MCUB: variants seen among roughly 807,000 people sequenced by gnomAD.
The protein encoded by MCUB is mitochondrial calcium uniporter dominant negative subunit beta.
A neutral mutation model predicts 41.4 loss-of-function variants in MCUB; 46 were observed. That is an observed-to-expected ratio of 1.11 (90% CI 0.88 to 1.42). The LOEUF (loss-of-function observed/expected upper bound fraction) is 1.42. Ranked by LOEUF, MCUB falls within the 40% of genes most tolerant of loss-of-function variation. MCUB has a pLI of 0.00. For synonymous variants in MCUB, 148 were observed against 148.2 expected (o/e 1.00, Z 0.01); for missense variants, 403 against 404.9 (o/e 1.00, Z 0.04).
At chr4:109,652,615 A>C (rs1728985567) in intron 1 of MCUB, among the ~76,000 whole-genome samples, 1 of 152,172 alleles carries the variant, frequency 6.6e-6, no homozygotes, top group Admixed American at 6.5e-5. Context: ...TCAAACCCGC[A>C]GCCTCAGGCC....
At chr4:109,598,148 C>T (rs1378718636) in intron 1 of MCUB, among the ~76,000 whole-genome samples, 5 of 139,610 alleles carry the variant, frequency 3.6e-5, no homozygotes, top group Middle Eastern at 4.4e-3. Flanking sequence ...ACATCCCAGA[C>T]GATGGGCAGC....
chr4:109,656,354 C>CTTTTTT lies in MCUB; in HGVS notation c.100-2624_100-2619dup, dbSNP rs752851425. Reference sequence around the variant, plus strand: ...GAGGGGCTCTAACTTTTACTCTCTACTTTTTTTTTTTTTTTTTTTTTTTTT... The same window carrying CTTTTTT: ...GAGGGGCTCTAACTTTTACTCTCTACTTTTTTTTTTTTTTTTTTTTTTTTTTTTTTT... On this transcript the variant is annotated intron_variant, in intron 1 of 7. Coordinates refer to ENST00000394650, the MANE Select transcript of MCUB (RefSeq NM_017918.5). 5.8e-4 allele frequency among the ~76,000 whole-genome samples: 36 copies of CTTTTTT among 62,116 alleles called. 6 individuals are homozygous for CTTTTTT. The highest frequency in any genetic ancestry group is 0.015 in the Middle Eastern group (1 of 66). The allele number at this position is 62,116 out of a possible 152,430, so 40.8% of individuals were successfully genotyped here.
intron 1 of MCUB, among the ~76,000 whole-genome samples, chr4:109,619,935 A>G (rs1204330592): frequency 6.6e-6 from 1 of 152,088 alleles, no homozygotes; most frequent in Non-Finnish European, 1.5e-5. Context: ...AGGTTTAGAG[A>G]AGTTAAGGTA....
chr4:109,580,414 C>G (rs180968518), intron 1 of MCUB, among the ~76,000 whole-genome samples: 1 of 152,288 alleles, frequency 6.6e-6, no homozygotes, highest in Non-Finnish European at 1.5e-5. Flanking sequence ...ATGGCTGGGT[C>G]AAATGGTATT....
At chr4:109,682,324 CTT>C (rs11411542) in intron 4 of MCUB, among the ~76,000 whole-genome samples, 7 of 147,298 alleles carry the variant, frequency 4.8e-5, no homozygotes, top group African/African-American at 1.5e-4. Context: ...TTTTTGGTGA[CTT>C]TTTTTTTTTT....
intron 1 of MCUB, among the ~76,000 whole-genome samples, chr4:109,601,702 G>A (rs1372342981): frequency 6.6e-6 from 1 of 152,190 alleles, no homozygotes; most frequent in African/African-American, 2.4e-5. Context: ...AAACATGGGA[G>A]TGCAGATATC....
chr4:109,669,115 C>G (rs186554462), intron 4 of MCUB, among the ~76,000 whole-genome samples: 298 of 152,220 alleles, frequency 2.0e-3, no homozygotes, highest in African/African-American at 7.0e-3. Flanking sequence ...ACTATTCCTT[C>G]TCTGATTCTC....
chr4:109,581,625 C>G (rs2126126741), intron 1 of MCUB, among the ~76,000 whole-genome samples: 1 of 152,208 alleles, frequency 6.6e-6, no homozygotes, highest in South Asian at 2.1e-4. Context: ...ATTTTCGCAA[C>G]CTACTTATCT....
At chr4:109,686,681 C>G (rs1165236448) in intron 7 of MCUB, among the ~76,000 whole-genome samples, 1 of 152,070 alleles carries the variant, frequency 6.6e-6, no homozygotes. Context: ...GGAGACCAGT[C>G]TAGTCAACAT....
At chr4:109,597,762 G>T (rs1197316959) in intron 1 of MCUB, among the ~76,000 whole-genome samples, 1 of 150,900 alleles carries the variant, frequency 6.6e-6, no homozygotes, top group Non-Finnish European at 1.5e-5. Flanking sequence ...CCCGGACGGG[G>T]TGGCTGCCGG....
At position 109,560,536 on chromosome 4, in the gene MCUB, A is replaced by T. The variant is rs1294555294; in HGVS notation, c.99+100A>T. 4 of 564,010 alleles carry T rather than the reference A, an allele frequency of 7.1e-6. No individual in the cohort carries two copies. In the East Asian group the frequency reaches 1.4e-4, roughly 20 times the overall value. 34.9% of individuals were successfully genotyped at this position (564,010 alleles called of 1,614,324 possible). On this transcript the variant is annotated intron_variant, in intron 1 of 7. Transcript: ENST00000394650. ...GCAAAAGCCGAGCGGCCGAGCAGTC[A>T]ACTGCGTTTTGCTGGCTGCCGGGCT...
chr4:109,616,154 T>A (rs964243664), intron 1 of MCUB, among the ~76,000 whole-genome samples: 1 of 152,244 alleles, frequency 6.6e-6, no homozygotes, highest in Admixed American at 6.5e-5. Context: ...AGTGAATAAA[T>A]GAATATTTTG....
At chr4:109,630,094 G>A (rs1206481933) in intron 1 of MCUB, among the ~76,000 whole-genome samples, 3 of 152,138 alleles carry the variant, frequency 2.0e-5, no homozygotes, top group Admixed American at 6.5e-5. Flanking sequence ...GCCAGGAAAC[G>A]GGGAAGTAGA....
At chr4:109,679,374 G>A (rs1227469632) in intron 4 of MCUB, among the ~76,000 whole-genome samples, 1 of 152,214 alleles carries the variant, frequency 6.6e-6, no homozygotes, top group Non-Finnish European at 1.5e-5. Context: ...CACTGAGTGA[G>A]CGAGACTCCG....
chr4:109,684,331 A>G (rs772240943), intron 5 of MCUB, 112 bp from the exon 6 acceptor site: 25 of 732,116 alleles, frequency 3.4e-5, no homozygotes, highest in Non-Finnish European at 5.0e-5. Flanking sequence ...CAGAGTGCTG[A>G]GATTACAGGC....
intron 1 of MCUB, among the ~76,000 whole-genome samples, chr4:109,614,705 C>T (rs1170136736): frequency 2.0e-5 from 3 of 150,914 alleles, no homozygotes; most frequent in African/African-American, 7.3e-5. Flanking sequence ...TTTTGCATTT[C>T]CCCACTTTTC....
rs550971675 is a variant in MCUB at position 109,579,025 on chromosome 4, CT to C, written c.99+18591del. On this transcript the variant is annotated intron_variant, in intron 1 of 7. Transcript: ENST00000394650. ...GTCCCGCCTCCAATATTCCTTCACA[CT>C]TGCTTCCGCTGCCTTCATTGTCACT... Among the ~76,000 whole-genome samples the C allele has an allele frequency of 2.9e-3, 449 of 152,340 alleles. 1 individual carries two copies. Among genetic ancestry groups the C allele is most frequent in the African/African-American group, 0.01 (435 of 41,568 alleles).
At chr4:109,642,213 T>C (rs1027919433) in intron 1 of MCUB, among the ~76,000 whole-genome samples, 2 of 152,240 alleles carry the variant, frequency 1.3e-5, no homozygotes, top group African/African-American at 4.8e-5. Flanking sequence ...CTGTTGCTTT[T>C]TCTTACCCGG....
rs1027098063 is a variant in MCUB at position 109,644,271 on chromosome 4, C to T, written c.100-14740C>T. Among the ~76,000 whole-genome samples, 15 of 152,050 alleles carry T rather than the reference C, an allele frequency of 9.9e-5. No homozygotes were observed. In the East Asian group the frequency reaches 1.4e-3, roughly 14 times the overall value. On this transcript the variant is annotated intron_variant, in intron 1 of 7. Transcript: ENST00000394650. Reference sequence around the variant, plus strand: ...ATATAAAACAAAACTAAAAATATGACGGAAATAAATTATAAGTCATTCTGA... The same window carrying T: ...ATATAAAACAAAACTAAAAATATGATGGAAATAAATTATAAGTCATTCTGA...
Sources: allele counts gnomAD v4.1 joint callset (sites outside exome capture counted in the v4.1 genomes callset), GRCh38; gene constraint gnomAD v4.1.1; transcripts MANE v1.5; gene names NCBI Gene and HGNC (gene_info 2026-07-23, HGNC 2026-07-21).